The following PRKG1 variants were observed in gnomAD, a reference collection of about 807,000 sequenced individuals.
PRKG1 encodes cGMP-dependent protein kinase 1.
In PRKG1, 35 loss-of-function variants were observed where a neutral mutation model predicts 88.1. The ratio of observed to expected loss-of-function variants is 0.40; its 90% CI spans 0.30 to 0.53. PRKG1 has a LOEUF of 0.53. PRKG1 is among the 20% of genes least tolerant of loss of function. The pLI, the probability that PRKG1 is intolerant of heterozygous loss-of-function variation, is 0.59. For synonymous variants in PRKG1, 303 were observed against 292.5 expected, an observed-to-expected ratio of 1.04 and a Z score of -0.37; for missense variants, 540 against 839.8, an observed-to-expected ratio of 0.64 and a Z score of 4.41.
intron 4 of PRKG1, among the ~76,000 whole-genome samples, chr10:51,904,856 T>A (rs1842051920): frequency 6.6e-6 from 1 of 152,146 alleles, no homozygotes; most frequent in Admixed American, 6.6e-5. Context: ...CATTATATAG[T>A]CAAGTAAATT....
chr10:51,654,420 T>C lies in PRKG1; in HGVS notation c.593-150165T>C, dbSNP rs549434620. On this transcript the variant is annotated intron_variant, in intron 3 of 17. Coordinates refer to ENST00000373980, the MANE Select transcript of PRKG1 (RefSeq NM_006258.4). ...CATGCCAGTTCTATTTTGTATTGGT[T>C]ACTGTAGCTTCGTCATGTATCTTCA... Among the ~76,000 whole-genome samples the C allele has an allele frequency of 2.0e-5, 3 of 152,324 alleles. No individual in the cohort carries two copies. The East Asian group carries it at 5.8e-4, about 29-fold the overall frequency.
At chr10:51,670,250 T>A (rs952428621) in intron 3 of PRKG1, among the ~76,000 whole-genome samples, 4 of 152,242 alleles carry the variant, frequency 2.6e-5, no homozygotes, top group Middle Eastern at 3.4e-3. Context: ...CCATAGTATA[T>A]TTTTAATTTC....
rs572961731 is a variant in PRKG1 at position 52,001,247 on chromosome 10, G to A, written c.763-53237G>A. 6.6e-5 allele frequency among the ~76,000 whole-genome samples: 10 copies of A among 151,718 alleles called. No homozygotes were observed. In the East Asian group the frequency reaches 1.4e-3, roughly 21 times the overall value. ...TTTCTTTACCCATTCATCTGTTGAT[G>A]GACACTTCAGTTATAAGAAGAATAA... On this transcript the variant is annotated intron_variant, in intron 5 of 17. Coordinates refer to ENST00000373980, the MANE Select transcript of PRKG1 (RefSeq NM_006258.4).
intron 2 of PRKG1, among the ~76,000 whole-genome samples, chr10:51,282,370 G>T (rs77501046): frequency 0.01 from 1,583 of 152,128 alleles, 17 homozygotes; most frequent in Middle Eastern, 0.031. Context: ...TATATATATA[G>T]AGAGAGAGAT....
intron 5 of PRKG1, among the ~76,000 whole-genome samples, chr10:51,962,799 C>G (rs1341466500): frequency 6.6e-6 from 1 of 152,142 alleles, no homozygotes; most frequent in Non-Finnish European, 1.5e-5. Flanking sequence ...ATGTCCCTAC[C>G]AATATATTTG....
intron 3 of PRKG1, among the ~76,000 whole-genome samples, chr10:51,689,501 G>A (rs73343304): frequency 6.6e-6 from 1 of 152,118 alleles, no homozygotes; most frequent in African/African-American, 2.4e-5. Flanking sequence ...ATCAAGTTTG[G>A]TGGGTGCATA....
chr10:51,200,568 G>C (rs558137665), intron 2 of PRKG1, among the ~76,000 whole-genome samples: 28 of 152,226 alleles, frequency 1.8e-4, no homozygotes, highest in African/African-American at 6.5e-4. Context: ...GTTGAAGGCA[G>C]GAAACAAGTC....
intron 4 of PRKG1, among the ~76,000 whole-genome samples, chr10:51,891,448 AT>A (rs1380095092): frequency 6.6e-6 from 1 of 152,208 alleles, no homozygotes; most frequent in Non-Finnish European, 1.5e-5. Flanking sequence ...CTTTGACTAT[AT>A]GACCTGAGTT....
chr10:51,107,675 A>G (rs79254218), intron 1 of PRKG1, among the ~76,000 whole-genome samples: 4,395 of 151,738 alleles, frequency 0.029, 163 homozygotes, highest in African/African-American at 0.083. Flanking sequence ...AACTGAAAAT[A>G]TAGCTGGGCA....
chr10:51,495,492 TATC>T (rs1473307628), intron 3 of PRKG1, among the ~76,000 whole-genome samples: 2 of 152,222 alleles, frequency 1.3e-5, no homozygotes, highest in Non-Finnish European at 2.9e-5. Flanking sequence ...TAAGGAAAGA[TATC>T]ATTCCATATA....
intron 3 of PRKG1, among the ~76,000 whole-genome samples, chr10:51,534,759 G>GA (rs1220469439): frequency 1.3e-5 from 2 of 151,518 alleles, no homozygotes; most frequent in African/African-American, 4.8e-5. Flanking sequence ...AGAATGACAA[G>GA]AAAAAATGTA....
chr10:52,231,386 G>A (rs1275485291), intron 9 of PRKG1: 2 of 152,012 alleles, frequency 1.3e-5, no homozygotes, highest in Admixed American at 6.6e-5. Flanking sequence ...GGGCAATAGA[G>A]CTGGATCTTG....
intron 3 of PRKG1, among the ~76,000 whole-genome samples, chr10:51,470,370 G>T (rs1840018710): frequency 1.3e-5 from 2 of 151,632 alleles, no homozygotes; most frequent in African/African-American, 4.8e-5. Flanking sequence ...TAATTCTGAG[G>T]GGAATATTTT....
intron 9 of PRKG1, among the ~76,000 whole-genome samples, chr10:52,171,771 TTTTCTTTTATCAAAA>T: frequency 6.6e-6 from 1 of 150,520 alleles, no homozygotes; most frequent in Non-Finnish European, 1.5e-5. Context: ...ATAGAAGTAT[TTTTCTTTTATCAAAA>T]TTTTTTTTTT....
At chr10:52,218,764 A>G (rs1407847992) in intron 9 of PRKG1, among the ~76,000 whole-genome samples, 2 of 152,190 alleles carry the variant, frequency 1.3e-5, no homozygotes, top group Non-Finnish European at 2.9e-5. Flanking sequence ...TGATACCTTC[A>G]AAGTGTTTGA....
At chr10:51,426,096 T>C (rs1838574129) in intron 2 of PRKG1, among the ~76,000 whole-genome samples, 1 of 152,004 alleles carries the variant, frequency 6.6e-6, no homozygotes. Flanking sequence ...GCTAACATGG[T>C]GAAACCCTAT....
chr10:51,903,954 A>G (rs932937269), intron 4 of PRKG1, among the ~76,000 whole-genome samples: 8 of 152,280 alleles, frequency 5.3e-5, no homozygotes, highest in Admixed American at 3.3e-4. Context: ...TGTTGTAAAA[A>G]TGAAATTTAT....
chr10:51,270,097 C>T (rs1350006910), intron 2 of PRKG1, among the ~76,000 whole-genome samples: 1 of 152,030 alleles, frequency 6.6e-6, no homozygotes, highest in Non-Finnish European at 1.5e-5. Context: ...TTTATTCTGT[C>T]CTTGGCATTC....
intron 7 of PRKG1, among the ~76,000 whole-genome samples, chr10:52,123,348 G>A (rs1847863574): frequency 6.6e-6 from 1 of 152,084 alleles, no homozygotes. Flanking sequence ...AATAAACCTT[G>A]GAGTTGGTTT....
Sources: allele counts gnomAD v4.1 joint callset (sites outside exome capture counted in the v4.1 genomes callset), GRCh38; gene constraint gnomAD v4.1.1; transcripts MANE v1.5; gene names NCBI Gene and HGNC (gene_info 2026-07-23, HGNC 2026-07-21).